CERS3: variants seen among roughly 807,000 people sequenced by gnomAD.
The protein encoded by CERS3 is ceramide synthase 3.
A neutral mutation model predicts 50.3 loss-of-function variants in CERS3; 33 were observed. The ratio of observed to expected loss-of-function variants is 0.66; its 90% CI spans 0.50 to 0.88. The LOEUF (loss-of-function observed/expected upper bound fraction) is 0.88, where lower values mean the gene tolerates loss of function less well. Among genes scored for constraint, CERS3 ranks in the 40% least tolerant of loss-of-function variants. The probability of loss-of-function intolerance (pLI) is 0.00; values close to 1 mark genes in which losing one functional copy is unlikely to be tolerated. For synonymous variants in CERS3, 176 were observed against 155.2 expected (o/e 1.13, Z -0.99); for missense variants, 470 against 460.3 (o/e 1.02, Z -0.19).
At chr15:100,540,407 G>A (rs1238423169) in intron 1 of CERS3, among the ~76,000 whole-genome samples, 1 of 152,154 alleles carries the variant, frequency 6.6e-6, no homozygotes, top group Non-Finnish European at 1.5e-5. Flanking sequence ...AGCCGGGCGT[G>A]GTGACAGGCG....
intron 11 of CERS3, among the ~76,000 whole-genome samples, chr15:100,420,766 G>A (rs2032365069): frequency 6.6e-6 from 1 of 151,878 alleles, no homozygotes; most frequent in African/African-American, 2.4e-5. Context: ...TGGGATGCAA[G>A]GCTGGTTCAA....
At chr15:100,452,701 C>T (rs2034215397) in intron 11 of CERS3, among the ~76,000 whole-genome samples, 1 of 151,714 alleles carries the variant, frequency 6.6e-6, no homozygotes, top group South Asian at 2.1e-4. Flanking sequence ...TACAAAGAAT[C>T]AACAAAATTA....
At chr15:100,467,945 C>T (rs2587753) in intron 10 of CERS3, among the ~76,000 whole-genome samples, 59,086 of 149,438 alleles carry the variant, frequency 0.4, 12,046 homozygotes, top group East Asian at 0.53. Context: ...TGATCTAGAA[C>T]TCCTGGGCTT....
rs1326261296 is a variant in CERS3, at chr15:100,534,921, T to C, written c.-354-5846A>G. Among the ~76,000 whole-genome samples the C allele has an allele frequency of 5.3e-5, 8 of 152,282 alleles. No individual in the cohort carries two copies. The South Asian group carries it at 1.4e-3, about 28-fold the overall frequency. Reference sequence around the variant, plus strand: ...CTGAAATTTGTCTCTTATCGACCTATGACTTGGAAGTCCCCTCCCCACTTC... The same window carrying C: ...CTGAAATTTGTCTCTTATCGACCTACGACTTGGAAGTCCCCTCCCCACTTC... On this transcript the variant is annotated intron_variant, in intron 1 of 12. Coordinates refer to the CERS3 transcript ENST00000284382.
At chr15:100,536,132 AAGTGGGGATAT>A (rs2037068849) in intron 1 of CERS3, among the ~76,000 whole-genome samples, 2 of 105,720 alleles carry the variant, frequency 1.9e-5, no homozygotes, top group Admixed American at 1.0e-4. Context: ...TGTGCACGGG[AAGTGGGGATAT>A]CCCTGTGCTC....
At chr15:100,455,340 G>C (rs1203397303) in intron 11 of CERS3, among the ~76,000 whole-genome samples, 2 of 151,834 alleles carry the variant, frequency 1.3e-5, no homozygotes, top group African/African-American at 4.8e-5. Context: ...GATGAAGAAA[G>C]GCTGCATAAT....
intron 11 of CERS3, among the ~76,000 whole-genome samples, chr15:100,416,589 G>A (rs1259035810): frequency 6.6e-6 from 1 of 152,204 alleles, no homozygotes; most frequent in South Asian, 2.1e-4. Flanking sequence ...CGTGGCATAA[G>A]GAGAAGCAAG....
intron 11 of CERS3, 136 bp from the exon 12 acceptor site, chr15:100,403,001 T>TATAGTCAATCTTGG: frequency 1.2e-6 from 1 of 839,674 alleles, no homozygotes; most frequent in Non-Finnish European, 1.8e-6. Flanking sequence ...TTCACCAAGA[T>TATAGTCAATCTTGG]TGACTATATC....
At chr15:100,428,572 T>A (rs2032954507) in intron 11 of CERS3, among the ~76,000 whole-genome samples, 1 of 152,202 alleles carries the variant, frequency 6.6e-6, no homozygotes, top group African/African-American at 2.4e-5. Context: ...CTCCCACTTG[T>A]GACAGACAAA....
intron 11 of CERS3, among the ~76,000 whole-genome samples, chr15:100,430,632 C>A (rs1290411861): frequency 6.6e-6 from 1 of 152,148 alleles, no homozygotes; most frequent in Non-Finnish European, 1.5e-5. Flanking sequence ...TGTCTAAATC[C>A]GCAGTTGGCA....
At chr15:100,515,931 G>A (rs1057079083) in intron 2 of CERS3, among the ~76,000 whole-genome samples, 5 of 152,170 alleles carry the variant, frequency 3.3e-5, no homozygotes, top group Non-Finnish European at 7.3e-5. Flanking sequence ...TCCCTCGCCT[G>A]GTGAGTCACA....
intron 11 of CERS3, among the ~76,000 whole-genome samples, chr15:100,425,565 C>G (rs528966935): frequency 6.6e-6 from 1 of 152,258 alleles, no homozygotes; most frequent in African/African-American, 2.4e-5. Context: ...GAGTATTTAC[C>G]CAATACCTAT....
intron 11 of CERS3, among the ~76,000 whole-genome samples, chr15:100,432,646 A>G (rs1467781502): frequency 6.6e-6 from 1 of 152,248 alleles, no homozygotes; most frequent in Non-Finnish European, 1.5e-5. Flanking sequence ...TAACATTTAA[A>G]TAATCTGGAT....
rs150761158 is a variant in CERS3 at position 100,402,393 on chromosome 15, G to A, written c.*320C>T. ...CTGAGGACAGGCAAGGTGGCGAGGC[G>A]AAAGGGTCTATAACAAAGCGAGCCC... On this transcript the variant is annotated 3_prime_UTR_variant, in exon 12 of 12. Coordinates refer to ENST00000679737, the MANE Select transcript of CERS3 (RefSeq NM_001378789.1). 1.5e-3 allele frequency: 369 copies of A among 245,218 alleles called. No individual in the cohort carries two copies. The highest frequency in any genetic ancestry group is 3.1e-3 in the African/African-American group (138 of 44,380). The allele number at this position is 245,218 out of a possible 1,614,324, so 15.2% of individuals were successfully genotyped here.
intron 11 of CERS3, 144 bp downstream of exon 11, chr15:100,455,749 T>C (rs1333736207): frequency 7.5e-6 from 4 of 530,462 alleles, no homozygotes; most frequent in Non-Finnish European, 1.2e-5. Context: ...AGCTCTATTT[T>C]TCCAAAATTT....
At position 100,402,880 on chromosome 15, in the gene CERS3, G is replaced by C. The variant is rs2030665155; in HGVS notation, c.1000-15C>G. The C allele has an allele frequency of 3.8e-6, 6 of 1,571,234 alleles. No individual in the cohort carries two copies. The highest frequency in any genetic ancestry group is 4.3e-6 in the Non-Finnish European group (5 of 1,156,622). On this transcript the variant is annotated splice_polypyrimidine_tract_variant and intron_variant, in intron 11 of 11. Transcript: ENST00000679737. The stretch of plus-strand genomic sequence containing the variant: ...TCCTGGATGCTCTAGACAAAGGAAA[G>C]AATTGGCTGTGAGTGACAATCTTCC...
intron 11 of CERS3, among the ~76,000 whole-genome samples, chr15:100,403,449 G>A (rs1433462772): frequency 6.6e-6 from 1 of 151,790 alleles, no homozygotes. Context: ...AAACAATAAG[G>A]AAAACCAATA....
intron 2 of CERS3, 149 bp from the exon 3 acceptor site, chr15:100,501,999 C>T: frequency 2.8e-6 from 2 of 724,892 alleles, no homozygotes; most frequent in South Asian, 3.8e-5. Context: ...GCAATATCAG[C>T]ACTTTGGGAG....
At position 100,425,051 on chromosome 15, in the gene CERS3, G is replaced by T. The variant is rs149923365; in HGVS notation, c.1000-22186C>A. ...AAGCCTGTGGGTGCACAGAGGGCAA[G>T]AGTGAGGCTTGGGAGCCTCCGCCTA... On this transcript the variant is annotated intron_variant, in intron 11 of 11. Coordinates refer to ENST00000679737, the MANE Select transcript of CERS3 (RefSeq NM_001378789.1). Among the ~76,000 whole-genome samples the T allele has an allele frequency of 4.4e-3, 663 of 152,324 alleles. 5 individuals are homozygous for T. Among genetic ancestry groups the T allele is most frequent in the African/African-American group, 0.015 (605 of 41,576 alleles).
Sources: allele counts gnomAD v4.1 joint callset (sites outside exome capture counted in the v4.1 genomes callset), GRCh38; gene constraint gnomAD v4.1.1; transcripts MANE v1.5; gene names NCBI Gene and HGNC (gene_info 2026-07-23, HGNC 2026-07-21).